Variants in VGLL4 observed in about 807,000 individuals in gnomAD.
The protein encoded by VGLL4 is vestigial like family member 4.
Under a neutral mutation model 21.0 loss-of-function variants are expected in VGLL4, and 7 were observed. The observed-to-expected ratio is 0.33, with a 90% CI of 0.19 to 0.63. The LOEUF is 0.63. Among genes scored for constraint, VGLL4 ranks in the 20% least tolerant of loss-of-function variants. The probability of loss-of-function intolerance (pLI) is 0.78; values close to 1 mark genes in which losing one functional copy is unlikely to be tolerated. For synonymous variants in VGLL4, 222 were observed against 173.2 expected (o/e 1.28, Z -2.21); for missense variants, 394 against 425.7 (o/e 0.93, Z 0.66).
intron 2 of VGLL4, among the ~76,000 whole-genome samples, chr3:11,655,869 C>T (rs7651297): frequency 0.041 from 6,186 of 152,270 alleles, 387 homozygotes; most frequent in African/African-American, 0.14. Context: ...CATTCACATC[C>T]GTGCTGTTTT....
chr3:11,598,265 G>C (rs62248308), intron 2 of VGLL4, among the ~76,000 whole-genome samples: 79,548 of 151,642 alleles, frequency 0.52, 23,175 homozygotes, highest in Non-Finnish European at 0.68. Flanking sequence ...GACCTCATGT[G>C]ATCCGCCCAC....
intron 1 of VGLL4, among the ~76,000 whole-genome samples, chr3:11,619,700 C>T (rs186154736): frequency 1.3e-5 from 2 of 152,270 alleles, no homozygotes; most frequent in East Asian, 3.9e-4. Flanking sequence ...GATGATTACA[C>T]AATATTCCCC....
At chr3:11,660,160 T>A (rs1372150239) in intron 2 of VGLL4, among the ~76,000 whole-genome samples, 3 of 140,918 alleles carry the variant, frequency 2.1e-5, no homozygotes, top group African/African-American at 8.4e-5. Context: ...AGACTCCATC[T>A]CAAAAAAAAA....
intron 1 of VGLL4, among the ~76,000 whole-genome samples, chr3:11,608,795 T>C (rs7614263): frequency 0.5 from 75,670 of 152,078 alleles, 21,886 homozygotes; most frequent in Non-Finnish European, 0.68. Flanking sequence ...TCTTTTTCAG[T>C]GGTACATAAA....
chr3:11,601,734 G>C (rs769774914), intron 2 of VGLL4, 99 bp downstream of exon 2: 1 of 1,316,280 alleles, frequency 7.6e-7, no homozygotes, highest in Non-Finnish European at 1.1e-6. Context: ...TTCAAATAAA[G>C]TATGCAAATG....
At chr3:11,609,295 G>A (rs540741100) in intron 1 of VGLL4, among the ~76,000 whole-genome samples, 1 of 152,274 alleles carries the variant, frequency 6.6e-6, no homozygotes, top group Non-Finnish European at 1.5e-5. Flanking sequence ...TCCTTTTACT[G>A]CTCATCAAGA....
At chr3:11,662,574 C>T (rs1258909309) in intron 2 of VGLL4, among the ~76,000 whole-genome samples, 1 of 152,252 alleles carries the variant, frequency 6.6e-6, no homozygotes, top group South Asian at 2.1e-4. Context: ...CCTTCTCCCA[C>T]TGCCTCCACT....
chr3:11,666,219 C>T (rs1320341959), intron 2 of VGLL4, among the ~76,000 whole-genome samples: 1 of 150,908 alleles, frequency 6.6e-6, no homozygotes, highest in Non-Finnish European at 1.5e-5. Flanking sequence ...CCGCTGCACT[C>T]CAGCCTGGGT....
At chr3:11,664,306 G>A (rs2076078579) in intron 2 of VGLL4, among the ~76,000 whole-genome samples, 1 of 152,248 alleles carries the variant, frequency 6.6e-6, no homozygotes. Context: ...CTGGTCCCTG[G>A]AAGGAAGGCA....
At chr3:11,622,840 G>C (rs927882501) in intron 1 of VGLL4, among the ~76,000 whole-genome samples, 2 of 152,244 alleles carry the variant, frequency 1.3e-5, no homozygotes, top group Admixed American at 6.5e-5. Context: ...AAATCAGAGA[G>C]ACAGATGTGA....
chr3:11,656,627 T>A (rs1160646898), intron 2 of VGLL4, among the ~76,000 whole-genome samples: 1 of 152,136 alleles, frequency 6.6e-6, no homozygotes, highest in African/African-American at 2.4e-5. Context: ...CAGTGTGTGG[T>A]GTCGCATTCT....
rs146827531 is a variant in VGLL4, at chr3:11,564,836, G to A, written c.456C>T (p.Ala152=). 7.9e-5 allele frequency: 126 copies of A among 1,597,660 alleles called. No individual in the cohort carries two copies. Among genetic ancestry groups the A allele is most frequent in the African/African-American group, 5.4e-4 (40 of 74,682 alleles). Residue 152 remains alanine, a synonymous_variant, in exon 3 of 5, where the codon GCC becomes GCT. Transcript: ENST00000430365. The part of the protein sequence containing the change: ...TKNSLDASRP[A]GLSPTLTPGE... Reference sequence around the variant, plus strand: ...CCGGGGTCAGTGTGGGCGAGAGGCCGGCTGGCCTGCTGGCGTCCAGGCTGT... The same window carrying A: ...CCGGGGTCAGTGTGGGCGAGAGGCCAGCTGGCCTGCTGGCGTCCAGGCTGT...
intron 1 of VGLL4, among the ~76,000 whole-genome samples, chr3:11,641,703 A>AT (rs2075690637): frequency 6.6e-6 from 1 of 152,224 alleles, no homozygotes; most frequent in South Asian, 2.1e-4. Flanking sequence ...TCAGCCCATT[A>AT]TCCCATATAG....
chr3:11,676,639 T>G (rs554736656), intron 2 of VGLL4, among the ~76,000 whole-genome samples: 2 of 151,978 alleles, frequency 1.3e-5, no homozygotes, highest in South Asian at 2.1e-4. Context: ...TAGAACAGTT[T>G]GAATATATTT....
At chr3:11,563,525 G>A (rs935873358) in intron 3 of VGLL4, among the ~76,000 whole-genome samples, 1 of 152,214 alleles carries the variant, frequency 6.6e-6, no homozygotes, top group Admixed American at 6.5e-5. Context: ...CCCTGTGGCC[G>A]TGACAGTGTC....
intron 2 of VGLL4, chr3:11,702,916 A>C (rs2076703414): frequency 6.6e-7 from 1 of 1,520,692 alleles, no homozygotes; most frequent in African/African-American, 1.4e-5. Flanking sequence ...TATGGAGCAG[A>C]AGACAAGGGA....
chr3:11,621,439 T>C (rs997159836), intron 1 of VGLL4, among the ~76,000 whole-genome samples: 24 of 150,470 alleles, frequency 1.6e-4, no homozygotes, highest in African/African-American at 6.0e-4. Flanking sequence ...TTGGTGTCTT[T>C]TGTGTCTGGT....
At chr3:11,671,279 T>G in intron 2 of VGLL4, 1 of 1,597,798 alleles carries the variant, frequency 6.3e-7, no homozygotes, top group South Asian at 1.1e-5. Flanking sequence ...CAGACCTGGA[T>G]GTCTCCAACT....
At chr3:11,624,810 C>T (rs2075323586) in intron 1 of VGLL4, among the ~76,000 whole-genome samples, 1 of 152,172 alleles carries the variant, frequency 6.6e-6, no homozygotes, top group African/African-American at 2.4e-5. Context: ...GAAACTTAGG[C>T]TTAACTGTAC....
Sources: allele counts gnomAD v4.1 joint callset (sites outside exome capture counted in the v4.1 genomes callset), GRCh38; gene constraint gnomAD v4.1.1; transcripts MANE v1.5; gene names NCBI Gene and HGNC (gene_info 2026-07-23, HGNC 2026-07-21).